The following PDS5B variants were observed in gnomAD, a reference collection of about 807,000 sequenced individuals.
PDS5B encodes the protein sister chromatid cohesion protein PDS5 homolog B.
In PDS5B, 51 loss-of-function variants were observed where a neutral mutation model predicts 184.1. That is an observed-to-expected ratio of 0.28 (90% CI 0.22 to 0.35). PDS5B has a LOEUF of 0.35. Ranked by LOEUF, PDS5B falls within the 10% of genes least tolerant of loss-of-function variation. PDS5B has a pLI of 1.00. For synonymous variants in PDS5B, 566 were observed against 569.2 expected (o/e 0.99, Z 0.08); for missense variants, 1,180 against 1,723.3 (o/e 0.68, Z 5.58).
intron 1 of PDS5B, among the ~76,000 whole-genome samples, chr13:32,645,125 C>A (rs1334865682): frequency 6.6e-6 from 1 of 152,092 alleles, no homozygotes; most frequent in East Asian, 1.9e-4. Flanking sequence ...GATCTTGTCA[C>A]CTCAACTTGG....
chr13:32,667,701 C>T lies in PDS5B; in HGVS notation c.625-63C>T, dbSNP rs899857442. On this transcript the variant is annotated intron_variant, in intron 6 of 34. Coordinates refer to ENST00000315596, the MANE Select transcript of PDS5B (RefSeq NM_015032.4). ...ATTTACTCAAGTAGCATTTTGAATA[C>T]AGGTAATATTTTGCTTTTCATAGTT... The T allele has an allele frequency of 1.0e-5, 9 of 885,528 alleles. No individual in the cohort carries two copies. The Admixed American group carries it at 2.6e-4, about 25-fold the overall frequency. 54.9% of individuals were successfully genotyped at this position (885,528 alleles called of 1,614,324 possible).
chr13:32,598,880 C>T (rs761316327), intron 1 of PDS5B, among the ~76,000 whole-genome samples: 3 of 151,324 alleles, frequency 2.0e-5, no homozygotes, highest in Non-Finnish European at 2.9e-5. Flanking sequence ...ACGCCATTCT[C>T]CTGCCTCAGC....
At chr13:32,768,688 G>A (rs1327574802) in intron 31 of PDS5B, among the ~76,000 whole-genome samples, 4 of 151,392 alleles carry the variant, frequency 2.6e-5, no homozygotes, top group African/African-American at 7.3e-5. Context: ...AGCTACTCGG[G>A]AGGCTGAGGC....
intron 1 of PDS5B, among the ~76,000 whole-genome samples, chr13:32,635,188 T>TTTTTG (rs2058525515): frequency 4.0e-5 from 1 of 24,960 alleles, no homozygotes; most frequent in Non-Finnish European, 7.7e-5. Context: ...TTTTTTTTTT[T>TTTTTG]TTTTTTTTTT....
intron 9 of PDS5B, among the ~76,000 whole-genome samples, chr13:32,677,518 G>C (rs1951104573): frequency 6.6e-6 from 1 of 151,976 alleles, no homozygotes; most frequent in African/African-American, 2.4e-5. Flanking sequence ...AGACGTCTTA[G>C]TATATTTATT....
chr13:32,716,686 C>T (rs1297669009), intron 19 of PDS5B, among the ~76,000 whole-genome samples: 3 of 135,336 alleles, frequency 2.2e-5, no homozygotes, highest in Non-Finnish European at 3.3e-5. Flanking sequence ...GCCCCCCGCC[C>T]GGCCAGCTGC....
At chr13:32,661,316 G>T (rs543133163) in intron 6 of PDS5B, among the ~76,000 whole-genome samples, 5 of 147,856 alleles carry the variant, frequency 3.4e-5, no homozygotes, top group African/African-American at 1.3e-4. Context: ...CCTGAGAGGT[G>T]GAGGTTACAG....
chr13:32,650,857 A>G (rs1309447227), intron 2 of PDS5B, among the ~76,000 whole-genome samples: 1 of 152,208 alleles, frequency 6.6e-6, no homozygotes, highest in Non-Finnish European at 1.5e-5. Context: ...AAATCGTTGC[A>G]GCATAAAGGA....
At chr13:32,757,554 ACTG>A (rs1322073447) in intron 26 of PDS5B, among the ~76,000 whole-genome samples, 1 of 152,230 alleles carries the variant, frequency 6.6e-6, no homozygotes, top group Admixed American at 6.5e-5. Flanking sequence ...AAACTGAGCT[ACTG>A]AAGCTTTCTT....
chr13:32,635,666 T>C (rs929704495), intron 1 of PDS5B, among the ~76,000 whole-genome samples: 4 of 151,174 alleles, frequency 2.6e-5, no homozygotes, highest in Non-Finnish European at 5.9e-5. Flanking sequence ...AGTGCCATTG[T>C]AGTCGCCTAA....
In PDS5B at chr13:32,658,228, TTTTA is replaced by T. The variant is rs1950566439; in HGVS notation, c.313-6_313-3del. ...ATAATCTAAATGGCACTTTGTCTTT[TTTTA>T]TTTAAGGATATATTTATGTTTATAA... On this transcript the variant is annotated splice_region_variant and splice_polypyrimidine_tract_variant and intron_variant, in intron 3 of 34. Transcript: ENST00000315596. The T allele has an allele frequency of 3.1e-6, 4 of 1,292,656 alleles. No individual in the cohort carries two copies. The highest frequency in any genetic ancestry group is 3.3e-6 in the Non-Finnish European group (3 of 906,968). The allele number at this position is 1,292,656 out of a possible 1,614,324, so 80.1% of individuals were successfully genotyped here.
chr13:32,753,055 T>C (rs1954042630), intron 24 of PDS5B, among the ~76,000 whole-genome samples: 1 of 152,216 alleles, frequency 6.6e-6, no homozygotes, highest in Non-Finnish European at 1.5e-5. Context: ...TTGTATCTTA[T>C]TTAAGTTAGG....
chr13:32,710,997 C>CTT (rs906113848), intron 19 of PDS5B, among the ~76,000 whole-genome samples: 5 of 146,786 alleles, frequency 3.4e-5, no homozygotes, highest in African/African-American at 9.9e-5. Flanking sequence ...TTCTTTTTTT[C>CTT]TTTTTTTTTT....
At chr13:32,758,724 CA>C in intron 28 of PDS5B, 71 bp downstream of exon 28, 1 of 1,463,580 alleles carries the variant, frequency 6.8e-7, no homozygotes, top group East Asian at 2.3e-5. Context: ...GTAGGAAGAT[CA>C]GGAAGGATCA....
At chr13:32,694,342 A>G in intron 14 of PDS5B, 38 bp downstream of exon 14, 1 of 1,250,152 alleles carries the variant, frequency 8.0e-7, no homozygotes, top group Non-Finnish European at 1.2e-6. Context: ...TTTTTAAAAC[A>G]CATGTATTTT....
chr13:32,598,754 A>T, intron 1 of PDS5B, among the ~76,000 whole-genome samples: 1 of 145,434 alleles, frequency 6.9e-6, no homozygotes, highest in African/African-American at 2.5e-5. Context: ...TTCTCAGTTG[A>T]TGGTTTTTTT....
intron 6 of PDS5B, among the ~76,000 whole-genome samples, chr13:32,661,688 A>G (rs1026448789): frequency 2.2e-4 from 33 of 149,280 alleles, no homozygotes; most frequent in Admixed American, 2.0e-4. Flanking sequence ...TGACTAGAGT[A>G]AAAAAAAAAT....
At chr13:32,715,699 C>G (rs1952366463) in intron 19 of PDS5B, among the ~76,000 whole-genome samples, 1 of 152,176 alleles carries the variant, frequency 6.6e-6, no homozygotes, top group Non-Finnish European at 1.5e-5. Context: ...CGGTCTCCCT[C>G]TGATGCTGAG....
At chr13:32,669,815 T>C (rs1187180951) in intron 7 of PDS5B, among the ~76,000 whole-genome samples, 1 of 152,218 alleles carries the variant, frequency 6.6e-6, no homozygotes, top group East Asian at 1.9e-4. Flanking sequence ...CCTTGCCTTA[T>C]TTGAAGGTTA....
Sources: allele counts gnomAD v4.1 joint callset (sites outside exome capture counted in the v4.1 genomes callset), GRCh38; gene constraint gnomAD v4.1.1; transcripts MANE v1.5; gene names NCBI Gene and HGNC (gene_info 2026-07-23, HGNC 2026-07-21).